Variants in FRMD3 observed in about 807,000 individuals in gnomAD.
The protein encoded by FRMD3 is FERM domain-containing protein 3.
FRMD3 carries 33 observed loss-of-function variants against 70.2 expected under a neutral mutation model. The ratio of observed to expected loss-of-function variants is 0.47; its 90% CI spans 0.36 to 0.63. FRMD3 has a LOEUF of 0.63. FRMD3 is among the 20% of genes least tolerant of loss of function. FRMD3 has a pLI of 0.00. For missense variants in FRMD3, 632 were observed against 711.4 expected, an observed-to-expected ratio of 0.89 and a Z score of 1.27; for synonymous variants, 279 against 255.9, an observed-to-expected ratio of 1.09 and a Z score of -0.86.
intron 1 of FRMD3, among the ~76,000 whole-genome samples, chr9:83,452,329 T>C (rs1185452371): frequency 6.6e-6 from 1 of 152,190 alleles, no homozygotes; most frequent in Admixed American, 6.5e-5. Flanking sequence ...GTGTGAGGTG[T>C]GCCTCCCTCA....
At chr9:83,540,879 C>T (rs558831810), upstream of FRMD3, among the ~76,000 whole-genome samples, 3 of 152,272 alleles carry the variant, frequency 2.0e-5, no homozygotes, top group African/African-American at 4.8e-5. Flanking sequence ...ATCTACAAAT[C>T]GCCAAATTAC....
At chr9:83,534,793 T>C (rs1454723795) in intron 1 of FRMD3, among the ~76,000 whole-genome samples, 18 of 152,226 alleles carry the variant, frequency 1.2e-4, no homozygotes, top group Admixed American at 1.1e-3. Context: ...ATTTGGATTG[T>C]GGGATTCCAA....
chr9:83,350,784 C>G, intron 3 of FRMD3: 1 of 962,090 alleles, frequency 1.0e-6, no homozygotes, highest in Non-Finnish European at 1.2e-6. Flanking sequence ...TCTAATTTGC[C>G]TCAAATATCC....
At position 83,414,521 on chromosome 9, in the gene FRMD3, G is replaced by A. The variant is rs1826374936; in HGVS notation, c.148-24813C>T. Among the ~76,000 whole-genome samples the A allele has an allele frequency of 2.0e-5, 3 of 152,102 alleles. No homozygotes were observed. The South Asian group carries it at 6.2e-4, about 31-fold the overall frequency. ...AAAATTATCATGTCTGTTAAACAAA[G>A]AATATCATTAAGGTAGTGAAGAACC... On this transcript the variant is annotated intron_variant, in intron 1 of 13. Coordinates refer to ENST00000304195, the MANE Select transcript of FRMD3 (RefSeq NM_174938.6).
chr9:83,462,665 T>C (rs1373535212), intron 1 of FRMD3, among the ~76,000 whole-genome samples: 2 of 152,172 alleles, frequency 1.3e-5, no homozygotes, highest in African/African-American at 2.4e-5. Flanking sequence ...TCAGGAACAC[T>C]TGGAGATATC....
intron 1 of FRMD3, among the ~76,000 whole-genome samples, chr9:83,527,477 G>A (rs937472644): frequency 6.6e-6 from 1 of 152,020 alleles, no homozygotes; most frequent in South Asian, 2.1e-4. Context: ...AGGCACAATC[G>A]AGGGAGGAAC....
chr9:83,249,450 C>T (rs1305618720), intron 13 of FRMD3, among the ~76,000 whole-genome samples: 1 of 152,116 alleles, frequency 6.6e-6, no homozygotes, highest in Non-Finnish European at 1.5e-5. Context: ...AAGTGTCCTC[C>T]AGGATGGATC....
chr9:83,332,358 G>A (rs898192370), intron 6 of FRMD3, among the ~76,000 whole-genome samples: 1 of 151,826 alleles, frequency 6.6e-6, no homozygotes, highest in African/African-American at 2.4e-5. Context: ...CCAAGGAAGA[G>A]TCAGTCTCTC....
the FRMD3 span, among the ~76,000 whole-genome samples, chr9:83,552,764 A>C: frequency 6.6e-6 from 1 of 152,042 alleles, no homozygotes; most frequent in Non-Finnish European, 1.5e-5. Context: ...TATTAGTTTG[A>C]AAACTATTTT....
At chr9:83,446,432 G>C (rs2131404570) in intron 1 of FRMD3, among the ~76,000 whole-genome samples, 1 of 152,216 alleles carries the variant, frequency 6.6e-6, no homozygotes, top group African/African-American at 2.4e-5. Context: ...CGGATCACAA[G>C]GTCAGGAAAT....
the FRMD3 span, among the ~76,000 whole-genome samples, chr9:83,546,293 G>A: frequency 1.8e-3 from 272 of 152,298 alleles, 1 homozygote; most frequent in Non-Finnish European, 2.8e-3. Flanking sequence ...GGAGGCAGAG[G>A]TTGCAGTGAG....
intron 6 of FRMD3, among the ~76,000 whole-genome samples, chr9:83,320,553 CA>C (rs1382763016): frequency 6.6e-6 from 1 of 151,358 alleles, no homozygotes; most frequent in Non-Finnish European, 1.5e-5. Flanking sequence ...CAATTTTCAG[CA>C]AATAAAATTT....
intron 10 of FRMD3, among the ~76,000 whole-genome samples, chr9:83,307,443 A>C (rs1835175684): frequency 6.6e-6 from 1 of 152,262 alleles, no homozygotes; most frequent in Admixed American, 6.5e-5. Flanking sequence ...GATAAACCAA[A>C]TGTGGTCTAT....
the FRMD3 span, among the ~76,000 whole-genome samples, chr9:83,561,201 A>C: frequency 2.0e-5 from 3 of 152,206 alleles, no homozygotes; most frequent in African/African-American, 7.2e-5. Context: ...CATAACAAAC[A>C]AACAGAAGAT....
At chr9:83,290,099 C>T (rs1262051684) in intron 13 of FRMD3, among the ~76,000 whole-genome samples, 2 of 152,080 alleles carry the variant, frequency 1.3e-5, no homozygotes, top group Non-Finnish European at 2.9e-5. Context: ...TTGTGGAGAA[C>T]TCTTTATTGC....
At chr9:83,395,355 T>C (rs1364421323) in intron 1 of FRMD3, among the ~76,000 whole-genome samples, 1 of 152,002 alleles carries the variant, frequency 6.6e-6, no homozygotes, top group Non-Finnish European at 1.5e-5. Flanking sequence ...TTTACGTTCA[T>C]GGGTACATGT....
the FRMD3 span, among the ~76,000 whole-genome samples, chr9:83,558,098 C>T: frequency 6.6e-6 from 1 of 152,216 alleles, no homozygotes; most frequent in African/African-American, 2.4e-5. Flanking sequence ...GTCAAAAATA[C>T]ATGCACCAAA....
At chr9:83,476,243 G>A (rs1015052061) in intron 1 of FRMD3, among the ~76,000 whole-genome samples, 2 of 152,084 alleles carry the variant, frequency 1.3e-5, no homozygotes, top group South Asian at 4.1e-4. Context: ...AATTAGCCGA[G>A]CATGGTGGTG....
chr9:83,273,633 G>A (rs1481275470), intron 13 of FRMD3, among the ~76,000 whole-genome samples: 1 of 117,688 alleles, frequency 8.5e-6, no homozygotes, highest in Non-Finnish European at 1.8e-5. Context: ...AAAAACCTGG[G>A]GAAAAAAAAA....
Sources: allele counts gnomAD v4.1 joint callset (sites outside exome capture counted in the v4.1 genomes callset), GRCh38; gene constraint gnomAD v4.1.1; transcripts MANE v1.5; gene names NCBI Gene and HGNC (gene_info 2026-07-23, HGNC 2026-07-21).